Variants in GLRA1 observed in about 807,000 individuals in gnomAD.
GLRA1 encodes glycine receptor subunit alpha-1.
Under a neutral mutation model 48.3 loss-of-function variants are expected in GLRA1, and 37 were observed. The ratio of observed to expected loss-of-function variants is 0.77; its 90% CI spans 0.59 to 1.01. The LOEUF is 1.01. Ranked by LOEUF, GLRA1 falls within the 50% of genes least tolerant of loss-of-function variation. The pLI is 0.00. For synonymous variants in GLRA1, 196 were observed against 210.7 expected, an observed-to-expected ratio of 0.93 and a Z score of 0.60; for missense variants, 427 against 571.0, an observed-to-expected ratio of 0.75 and a Z score of 2.57.
At chr5:151,849,148 C>CTTTCTTTCT (rs1279846576) in intron 7 of GLRA1, 36 of 142,940 alleles carry the variant, frequency 2.5e-4, no homozygotes, top group Admixed American at 9.7e-4. Context: ...TTCTTTCTTT[C>CTTTCTTTCT]TTTCTTTTCT....
chr5:151,899,856 C>T (rs1034784254), intron 1 of GLRA1, among the ~76,000 whole-genome samples: 3 of 152,136 alleles, frequency 2.0e-5, no homozygotes, highest in Non-Finnish European at 2.9e-5. Context: ...ACCCCTCCCC[C>T]TTCCTGTCCT....
At chr5:151,827,587 G>A (rs1763308675) in intron 8 of GLRA1, among the ~76,000 whole-genome samples, 1 of 152,138 alleles carries the variant, frequency 6.6e-6, no homozygotes. Context: ...CTAGCTCAAA[G>A]TCTCATACTA....
intron 6 of GLRA1, among the ~76,000 whole-genome samples, chr5:151,852,315 C>T (rs1752932741): frequency 6.6e-6 from 1 of 152,202 alleles, no homozygotes; most frequent in Non-Finnish European, 1.5e-5. Flanking sequence ...AATCTTCCTT[C>T]TCCTCCATGG....
At chr5:151,826,286 T>G (rs780208764) in intron 8 of GLRA1, among the ~76,000 whole-genome samples, 1 of 152,196 alleles carries the variant, frequency 6.6e-6, no homozygotes, top group African/African-American at 2.4e-5. Flanking sequence ...TAAGTCCAGA[T>G]TTTAAAAACA....
intron 4 of GLRA1, among the ~76,000 whole-genome samples, chr5:151,856,871 A>G (rs1753060831): frequency 6.6e-6 from 1 of 152,238 alleles, no homozygotes. Context: ...ATACACACAC[A>G]TACAAACTGT....
At chr5:151,880,329 C>G (rs1753729642) in intron 3 of GLRA1, among the ~76,000 whole-genome samples, 1 of 152,216 alleles carries the variant, frequency 6.6e-6, no homozygotes, top group African/African-American at 2.4e-5. Flanking sequence ...GGAAGTGTAT[C>G]TCAGAAGTAT....
rs529733788 is a variant in GLRA1 at position 151,850,675 on chromosome 5, G to A, written c.912+715C>T. ...CCTGGACTGTTGGCCAGGAGAAGAA[G>A]GGTTACTTTGAAGACTGTTGCCCCT... On this transcript the variant is annotated intron_variant, in intron 7 of 8. Coordinates refer to ENST00000274576, the MANE Select transcript of GLRA1 (RefSeq NM_000171.4). 3.7e-5 allele frequency: 48 copies of A among 1,308,908 alleles called. 1 individual carries two copies. The South Asian group carries it at 5.3e-4, about 14-fold the overall frequency. The allele number at this position is 1,308,908 out of a possible 1,614,324, so 81.1% of individuals were successfully genotyped here.
chr5:151,891,497 C>G (rs1272741201), intron 2 of GLRA1, among the ~76,000 whole-genome samples: 1 of 152,108 alleles, frequency 6.6e-6, no homozygotes, highest in Non-Finnish European at 1.5e-5. Context: ...TCTTGGAATA[C>G]TTGATGCTCT....
At chr5:151,919,062 T>C (rs1040795174) in intron 1 of GLRA1, among the ~76,000 whole-genome samples, 2 of 152,196 alleles carry the variant, frequency 1.3e-5, no homozygotes, top group Non-Finnish European at 2.9e-5. Flanking sequence ...TCTAACAAAT[T>C]GCATATTTAC....
intron 6 of GLRA1, 87 bp from the exon 7 acceptor site, chr5:151,851,691 G>C (rs1752918303): frequency 1.2e-6 from 1 of 857,254 alleles, no homozygotes; most frequent in Non-Finnish European, 2.0e-6. Context: ...CTAGAGTCCT[G>C]GTTCAGTCTC....
intron 3 of GLRA1, among the ~76,000 whole-genome samples, chr5:151,866,887 T>G (rs1436683385): frequency 6.6e-6 from 1 of 152,116 alleles, no homozygotes; most frequent in Admixed American, 6.5e-5. Context: ...GCAGATTGCT[T>G]GAGCCCAGGA....
intron 2 of GLRA1, among the ~76,000 whole-genome samples, chr5:151,890,995 C>T (rs1277363160): frequency 6.6e-6 from 1 of 152,202 alleles, no homozygotes; most frequent in East Asian, 1.9e-4. Flanking sequence ...GGAGCAAGCA[C>T]TCTGAGAAGG....
intron 1 of GLRA1, among the ~76,000 whole-genome samples, chr5:151,916,670 C>A (rs2113460720): frequency 6.6e-6 from 1 of 152,322 alleles, no homozygotes; most frequent in Middle Eastern, 3.4e-3. Flanking sequence ...GTGAGATTAT[C>A]TTTGGAGAAA....
intron 7 of GLRA1, among the ~76,000 whole-genome samples, chr5:151,841,482 A>AT (rs1249978826): frequency 3.3e-5 from 5 of 152,142 alleles, no homozygotes; most frequent in African/African-American, 1.2e-4. Flanking sequence ...AATAATAAAG[A>AT]TTGGAATGGT....
At chr5:151,908,604 G>T (rs1199246958) in intron 1 of GLRA1, among the ~76,000 whole-genome samples, 1 of 151,600 alleles carries the variant, frequency 6.6e-6, no homozygotes, top group Admixed American at 6.6e-5. Context: ...TGAGTTGAGT[G>T]CTCTTCCCTC....
At chr5:151,833,568 A>G (rs951616594) in intron 7 of GLRA1, among the ~76,000 whole-genome samples, 11 of 152,100 alleles carry the variant, frequency 7.2e-5, no homozygotes, top group South Asian at 6.2e-4. Flanking sequence ...GGTTCAAGCG[A>G]TTCTCCTGCC....
chr5:151,849,144 CTTTCTTTCTTTTCTTTTCT>C (rs1752784995), intron 7 of GLRA1: 10 of 184,688 alleles, frequency 5.4e-5, no homozygotes, highest in African/African-American at 2.0e-4. Context: ...TTCTTTCTTT[CTTTCTTTCTTTTCTTTTCT>C]TTTCTTTCTT....
At chr5:151,889,866 T>A (rs1196281330) in intron 2 of GLRA1, among the ~76,000 whole-genome samples, 2 of 152,078 alleles carry the variant, frequency 1.3e-5, no homozygotes, top group Admixed American at 1.3e-4. Context: ...ACTTCTCAGC[T>A]CCTGCGGTGG....
At chr5:151,851,358 G>A (rs762559536) in intron 7 of GLRA1, 32 bp downstream of exon 7, 1 of 1,411,986 alleles carries the variant, frequency 7.1e-7, no homozygotes, top group South Asian at 1.2e-5. Flanking sequence ...TATTTGTCCA[G>A]GTGTTCTGTG....
Sources: allele counts gnomAD v4.1 joint callset (sites outside exome capture counted in the v4.1 genomes callset), GRCh38; gene constraint gnomAD v4.1.1; transcripts MANE v1.5; gene names NCBI Gene and HGNC (gene_info 2026-07-23, HGNC 2026-07-21).